PRSS12: variants seen among roughly 807,000 people sequenced by gnomAD.
The protein encoded by PRSS12 is neurotrypsin.
In PRSS12, 85 loss-of-function variants were observed where a neutral mutation model predicts 104.4. That is an observed-to-expected ratio of 0.81 (90% CI 0.68 to 0.98). PRSS12 has a LOEUF of 0.98. Ranked by LOEUF, PRSS12 falls within the 50% of genes least tolerant of loss-of-function variation. The pLI is 0.00. For missense variants in PRSS12, 1,141 were observed against 1,139.2 expected, an observed-to-expected ratio of 1.00 and a Z score of -0.02; for synonymous variants, 454 against 425.2, an observed-to-expected ratio of 1.07 and a Z score of -0.83.
At chr4:118,282,349 T>A (rs1742903636) in intron 12 of PRSS12, 106 bp from the exon 13 acceptor site, 1 of 1,434,058 alleles carries the variant, frequency 7.0e-7, no homozygotes, top group Non-Finnish European at 9.7e-7. Context: ...TGTTGTGGCA[T>A]TAGTGTAGTT....
At chr4:118,331,965 A>G in intron 3 of PRSS12, 99 bp from the exon 4 acceptor site, 1 of 1,435,828 alleles carries the variant, frequency 7.0e-7, no homozygotes, top group Non-Finnish European at 9.6e-7. Context: ...CAATAATTAA[A>G]TAATATTTAT....
Position 118,282,053 on chromosome 4 carries a change from GCT to G in PRSS12, c.2509_2510del (p.Ser837LeufsTer108). On this transcript the variant is annotated frameshift_variant, in exon 13 of 13. Transcript: ENST00000296498. LOFTEE classifies it high-confidence loss of function. ...GPLMCERPGE[S>X]WVVYGVTSWG... ...AGGAGGTCACCCCATACACCACCCA[GCT>G]CTCTCCGGGCCGTTCACACATGAGT... The G allele has an allele frequency of 6.2e-7, 1 of 1,614,130 alleles. No homozygotes were observed. Among genetic ancestry groups the G allele is most frequent in the East Asian group, 2.2e-5 (1 of 44,888 alleles).
At chr4:118,323,864 T>C (rs1024971370) in intron 4 of PRSS12, among the ~76,000 whole-genome samples, 3 of 151,800 alleles carry the variant, frequency 2.0e-5, no homozygotes, top group African/African-American at 4.8e-5. Context: ...AGTTTACTTA[T>C]ATAAATATGT....
intron 8 of PRSS12, chr4:118,303,959 T>C (rs1743466504): frequency 6.6e-6 from 1 of 151,928 alleles, no homozygotes; most frequent in African/African-American, 2.4e-5. Context: ...ACCCAACCCA[T>C]TGGTCTAATT....
intron 11 of PRSS12, among the ~76,000 whole-genome samples, chr4:118,286,712 T>A (rs1743022774): frequency 6.6e-6 from 1 of 152,068 alleles, no homozygotes; most frequent in East Asian, 1.9e-4. Context: ...TTACTGAAAT[T>A]AAAAAGAGAT....
intron 1 of PRSS12, among the ~76,000 whole-genome samples, chr4:118,343,671 G>A (rs1261526814): frequency 2.6e-5 from 4 of 152,142 alleles, no homozygotes; most frequent in Non-Finnish European, 4.4e-5. Flanking sequence ...GCAAATGATC[G>A]CTTGAGCCCA....
intron 10 of PRSS12, among the ~76,000 whole-genome samples, 175 bp from the exon 11 acceptor site, chr4:118,295,236 T>G (rs762721819): frequency 3.3e-5 from 5 of 152,178 alleles, no homozygotes; most frequent in Non-Finnish European, 7.3e-5. Context: ...CCCACAACTC[T>G]GAGCAGGCCC....
intron 11 of PRSS12, among the ~76,000 whole-genome samples, chr4:118,294,665 TG>T (rs1184561668): frequency 6.6e-6 from 1 of 152,018 alleles, no homozygotes; most frequent in Non-Finnish European, 1.5e-5. Context: ...GATACGTTCT[TG>T]GGGGGAGCAC....
chr4:118,340,090 T>A (rs930761963), intron 1 of PRSS12, among the ~76,000 whole-genome samples: 1 of 152,180 alleles, frequency 6.6e-6, no homozygotes, highest in Non-Finnish European at 1.5e-5. Context: ...GATGTACACA[T>A]GAATCTAAAT....
chr4:118,299,755 T>TA (rs1371033737), intron 8 of PRSS12, among the ~76,000 whole-genome samples: 21,356 of 80,878 alleles, frequency 0.26, 3,288 homozygotes, highest in Non-Finnish European at 0.35. Flanking sequence ...ATAAATAAAA[T>TA]AAATAAAATT....
intron 7 of PRSS12, among the ~76,000 whole-genome samples, chr4:118,309,851 T>C (rs549279156): frequency 7.2e-5 from 11 of 152,330 alleles, no homozygotes; most frequent in African/African-American, 2.4e-4. Context: ...AAAGAAAATA[T>C]TGTTAGCAAG....
At chr4:118,307,997 A>G (rs145588616) in intron 8 of PRSS12, among the ~76,000 whole-genome samples, 3 of 152,350 alleles carry the variant, frequency 2.0e-5, no homozygotes, top group African/African-American at 7.2e-5. Context: ...CCTCAGCTCT[A>G]GGAGCAATGG....
At chr4:118,308,660 G>A (rs1743622190) in intron 7 of PRSS12, 83 bp from the exon 8 acceptor site, 1 of 1,538,854 alleles carries the variant, frequency 6.5e-7, no homozygotes, top group Non-Finnish European at 9.0e-7. Context: ...AAACACAATT[G>A]TTCTTTTTAA....
intron 7 of PRSS12, among the ~76,000 whole-genome samples, chr4:118,309,786 T>C (rs1032405724): frequency 3.9e-5 from 6 of 152,178 alleles, no homozygotes; most frequent in African/African-American, 1.4e-4. Context: ...CAATATATTA[T>C]TTAATATATG....
chr4:118,299,765 T>TAAATAAAATAAAATAAAATA lies in PRSS12; in HGVS notation c.1632-847_1632-828dup, dbSNP rs1258442709. On this transcript the variant is annotated intron_variant, in intron 8 of 12. Transcript: ENST00000296498. Reference sequence around the variant, plus strand: ...ATAAAATAAATAAAATAAATAAAATTAAATAAAATAAAATAAAATAAAATA... The same window carrying TAAATAAAATAAAATAAAATA: ...ATAAAATAAATAAAATAAATAAAATTAAATAAAATAAAATAAAATAAAATAAAATAAAATAAAATAAAATA... 9.1e-5 allele frequency among the ~76,000 whole-genome samples: 7 copies of TAAATAAAATAAAATAAAATA among 77,336 alleles called. 1 individual carries two copies. Among genetic ancestry groups the TAAATAAAATAAAATAAAATA allele is most frequent in the Admixed American group, 7.0e-4 (5 of 7,172 alleles). The allele number at this position is 77,336 out of a possible 152,430, so 50.7% of individuals were successfully genotyped here.
chr4:118,319,077 T>A (rs1723536284), intron 4 of PRSS12, among the ~76,000 whole-genome samples: 2 of 152,216 alleles, frequency 1.3e-5, no homozygotes, highest in South Asian at 4.1e-4. Flanking sequence ...TTGTTATGTT[T>A]GAGTCATAGT....
At chr4:118,337,323 A>C (rs1041679309) in intron 2 of PRSS12, among the ~76,000 whole-genome samples, 18 of 152,342 alleles carry the variant, frequency 1.2e-4, no homozygotes, top group African/African-American at 4.3e-4. Flanking sequence ...GATAAAGGCC[A>C]AGAAAAAACA....
Position 118,288,835 on chromosome 4 carries a change from A to G in PRSS12, c.2040-5724T>C, listed in dbSNP as rs1056016760. 5.3e-5 allele frequency among the ~76,000 whole-genome samples: 8 copies of G among 152,348 alleles called. No individual in the cohort carries two copies. The East Asian group carries it at 1.5e-3, about 29-fold the overall frequency. On this transcript the variant is annotated intron_variant, in intron 11 of 12. Coordinates refer to ENST00000296498, the MANE Select transcript of PRSS12 (RefSeq NM_003619.4). ...CAGTTACAAAAGAACTTAATTTAAC[A>G]AAGTTTCCAATTCAAATTGCCAACA...
intron 2 of PRSS12, among the ~76,000 whole-genome samples, chr4:118,337,587 A>T (rs1170481662): frequency 1.3e-5 from 2 of 152,062 alleles, no homozygotes; most frequent in African/African-American, 2.4e-5. Context: ...GAGCTAACAG[A>T]AGCTGCCATC....
Sources: gnomAD v4.1 joint callset for allele counts (sites outside exome capture counted in the v4.1 genomes callset) on GRCh38, gnomAD v4.1.1 for gene constraint, MANE v1.5 for transcripts, NCBI Gene and HGNC (gene_info 2026-07-23, HGNC 2026-07-21) for gene names.